Variants in RTN4RL1 observed in about 807,000 individuals in gnomAD.
RTN4RL1 encodes reticulon 4 receptor like 1.
In RTN4RL1, 7 loss-of-function variants were observed where a neutral mutation model predicts 25.6. That is an observed-to-expected ratio of 0.27 (90% CI 0.16 to 0.51). RTN4RL1 has a LOEUF of 0.51. RTN4RL1 is among the 20% of genes least tolerant of loss of function. RTN4RL1 has a pLI of 0.97. For missense variants in RTN4RL1, 500 were observed against 615.6 expected (o/e 0.81, Z 1.99); for synonymous variants, 297 against 288.2 (o/e 1.03, Z -0.31).
intron 1 of RTN4RL1, among the ~76,000 whole-genome samples, chr17:1,975,299 G>A (rs2066838186): frequency 6.6e-6 from 1 of 152,150 alleles, no homozygotes; most frequent in African/African-American, 2.4e-5. Flanking sequence ...CCTTGGGGTA[G>A]TAAAAGGGTT....
chr17:1,939,077 GAGCA>G (rs1915378109), intron 1 of RTN4RL1, among the ~76,000 whole-genome samples: 9 of 148,262 alleles, frequency 6.1e-5, no homozygotes, highest in African/African-American at 2.4e-4. Flanking sequence ...TAAAGGCCGG[GAGCA>G]GTGGCTCACA....
chr17:1,976,539 G>A (rs1168140668), intron 1 of RTN4RL1, among the ~76,000 whole-genome samples: 2 of 152,246 alleles, frequency 1.3e-5, no homozygotes, highest in South Asian at 2.1e-4. Flanking sequence ...CAGCAGCAGT[G>A]TGACTTTGGG....
chr17:2,021,998 A>G (rs1445604853), intron 1 of RTN4RL1, among the ~76,000 whole-genome samples: 1 of 150,184 alleles, frequency 6.7e-6, no homozygotes, highest in African/African-American at 2.4e-5. Context: ...AGCTGGGACC[A>G]CCAGTGTATG....
At chr17:2,024,604 A>T (rs1333664449) in intron 1 of RTN4RL1, among the ~76,000 whole-genome samples, 1 of 152,044 alleles carries the variant, frequency 6.6e-6, no homozygotes, top group African/African-American at 2.4e-5. Flanking sequence ...CTGGTCTCCG[A>T]CTGACCCCTC....
intron 1 of RTN4RL1, among the ~76,000 whole-genome samples, chr17:2,007,084 C>A (rs1251292890): frequency 6.6e-6 from 1 of 152,114 alleles, no homozygotes; most frequent in Non-Finnish European, 1.5e-5. Flanking sequence ...CTGCAGCTCT[C>A]TGAGCTTCAA....
rs2067252739 is a variant in RTN4RL1, at chr17:2,024,876, G to A, written c.-11C>T. 6.3e-7 allele frequency: 1 copy of A among 1,584,232 alleles called. No individual in the cohort carries two copies. The highest frequency in any genetic ancestry group is 2.3e-5 in the East Asian group (1 of 43,182). ...ACCTTTGCGAAGCATGTTGGCCACG[G>A]GGCCGCCGCTCCGAGGTCGGCCTAG... On this transcript the variant is annotated 5_prime_UTR_variant, in exon 1 of 2. Transcript: ENST00000331238.
At chr17:1,969,428 T>A (rs12948330) in intron 1 of RTN4RL1, among the ~76,000 whole-genome samples, 43,071 of 151,890 alleles carry the variant, frequency 0.28, 6,478 homozygotes, top group Admixed American at 0.41. Context: ...CCAGAACAGC[T>A]AGGACTTGAT....
Position 1,936,991 on chromosome 17 carries a change from G to A in RTN4RL1, c.831C>T (p.Ser277=). 2 of 1,605,038 alleles carry A rather than the reference G, an allele frequency of 1.2e-6. No homozygotes were observed. Among genetic ancestry groups the A allele is most frequent in the Non-Finnish European group, 1.7e-6 (2 of 1,178,330 alleles). The change falls in exon 2 of 2, where the codon AGC becomes AGT. Residue 277 remains serine, a synonymous_variant. Transcript: ENST00000331238. ...WEWLQRFRGS[S]SAVPCVSPGL... ...CAGGGGACACACAGGGGACAGCGGA[G>A]CTGGAGCCCCGGAACCTCTGCAGCC...
At chr17:2,016,629 G>A (rs1420766310) in intron 1 of RTN4RL1, among the ~76,000 whole-genome samples, 1 of 152,236 alleles carries the variant, frequency 6.6e-6, no homozygotes, top group African/African-American at 2.4e-5. Context: ...GGTGAGAGAC[G>A]GAGTCTGGCA....
intron 1 of RTN4RL1, among the ~76,000 whole-genome samples, chr17:2,001,794 C>T (rs2066959103): frequency 6.6e-6 from 1 of 152,190 alleles, no homozygotes; most frequent in South Asian, 2.1e-4. Flanking sequence ...GGCTAGGCTG[C>T]CTCCCCCAGG....
At chr17:2,007,794 G>C (rs2067010393) in intron 1 of RTN4RL1, among the ~76,000 whole-genome samples, 2 of 149,914 alleles carry the variant, frequency 1.3e-5, no homozygotes, top group Admixed American at 6.6e-5. Context: ...AAATACAAAA[G>C]AATTAGCCAG....
intron 1 of RTN4RL1, among the ~76,000 whole-genome samples, chr17:2,021,634 A>T (rs2151331956): frequency 7.1e-6 from 1 of 140,786 alleles, no homozygotes; most frequent in South Asian, 2.2e-4. Context: ...GGCTCACTGT[A>T]ACCTCCGCCT....
intron 1 of RTN4RL1, among the ~76,000 whole-genome samples, chr17:1,990,493 G>A (rs1264145742): frequency 6.6e-6 from 1 of 152,164 alleles, no homozygotes; most frequent in African/African-American, 2.4e-5. Context: ...TTGAGCTCAG[G>A]AGTTCAAGAC....
chr17:2,020,950 T>C (rs2151331548), intron 1 of RTN4RL1, among the ~76,000 whole-genome samples: 2 of 152,290 alleles, frequency 1.3e-5, no homozygotes, highest in Middle Eastern at 3.4e-3. Flanking sequence ...TGTTGCCGGG[T>C]GGCTTGGGGC....
At chr17:1,997,380 G>C (rs566874998) in intron 1 of RTN4RL1, among the ~76,000 whole-genome samples, 1 of 152,110 alleles carries the variant, frequency 6.6e-6, no homozygotes, top group African/African-American at 2.4e-5. Context: ...CTCCTCTCCC[G>C]GCCAAGTACA....
chr17:2,015,954 C>T (rs955688605), intron 1 of RTN4RL1, among the ~76,000 whole-genome samples: 3 of 152,164 alleles, frequency 2.0e-5, no homozygotes, highest in Non-Finnish European at 2.9e-5. Flanking sequence ...CCAGAGCCTC[C>T]AAGCTGGAGG....
chr17:1,953,518 G>A (rs12603912), intron 1 of RTN4RL1, among the ~76,000 whole-genome samples: 67,472 of 151,764 alleles, frequency 0.44, 15,932 homozygotes, highest in Middle Eastern at 0.57. Flanking sequence ...AAACCTGCAC[G>A]TTGTGCACAT....
chr17:1,982,335 G>A (rs1401605047), intron 1 of RTN4RL1, among the ~76,000 whole-genome samples: 3 of 146,690 alleles, frequency 2.0e-5, no homozygotes, highest in East Asian at 4.1e-4. Context: ...AGAGGAAGCC[G>A]GGCGAGGTGC....
chr17:1,942,307 G>T (rs796578801), intron 1 of RTN4RL1, among the ~76,000 whole-genome samples: 2 of 152,062 alleles, frequency 1.3e-5, no homozygotes, highest in African/African-American at 2.4e-5. Context: ...TTCAACACTT[G>T]CTGCCTGAGC....
Sources: gnomAD v4.1 joint callset for allele counts (sites outside exome capture counted in the v4.1 genomes callset) on GRCh38, gnomAD v4.1.1 for gene constraint, MANE v1.5 for transcripts, NCBI Gene and HGNC (gene_info 2026-07-23, HGNC 2026-07-21) for gene names.